The following TNRC6A variants were observed in gnomAD, a reference collection of about 807,000 sequenced individuals.
TNRC6A encodes trinucleotide repeat containing adaptor 6A.
A neutral mutation model predicts 221.2 loss-of-function variants in TNRC6A; 44 were observed. The ratio of observed to expected loss-of-function variants is 0.20; its 90% confidence interval spans 0.16 to 0.26. The LOEUF (loss-of-function observed/expected upper bound fraction) is 0.26. TNRC6A is among the 10% of genes least tolerant of loss of function. TNRC6A has a pLI of 1.00. For synonymous variants in TNRC6A, 847 were observed against 838.5 expected, an observed-to-expected ratio of 1.01 and a Z score of -0.18; for missense variants, 2,199 against 2,404.4, an observed-to-expected ratio of 0.91 and a Z score of 1.79.
intron 1 of TNRC6A, among the ~76,000 whole-genome samples, chr16:24,623,060 G>C (rs547247452): frequency 2.0e-5 from 3 of 152,306 alleles, no homozygotes; most frequent in Admixed American, 6.5e-5. Context: ...CAGAGGAACC[G>C]CTGTGCGTAC....
intron 2 of TNRC6A, among the ~76,000 whole-genome samples, chr16:24,687,944 C>CTTTTCTTTTG (rs2055672997): frequency 9.0e-6 from 1 of 111,364 alleles, no homozygotes; most frequent in Non-Finnish European, 1.7e-5. Flanking sequence ...CTTTTCTTTT[C>CTTTTCTTTTG]TTTTCTTTTC....
chr16:24,777,405 C>T (rs1463795049), intron 5 of TNRC6A, 47 bp downstream of exon 5: 1 of 1,545,010 alleles, frequency 6.5e-7, no homozygotes, highest in Non-Finnish European at 8.8e-7. Context: ...TCATCATTAG[C>T]TGTATAGCAA....
chr16:24,788,075 G>A (rs2058013037), intron 5 of TNRC6A, among the ~76,000 whole-genome samples: 1 of 152,218 alleles, frequency 6.6e-6, no homozygotes, highest in African/African-American at 2.4e-5. Context: ...TAGACCAAGT[G>A]AGAGTTAAGA....
intron 2 of TNRC6A, among the ~76,000 whole-genome samples, chr16:24,706,644 A>G (rs1037540301): frequency 2.0e-5 from 3 of 149,020 alleles, no homozygotes; most frequent in Admixed American, 6.8e-5. Flanking sequence ...GTGAGCCCAG[A>G]TCGCGCTACT....
chr16:24,808,760 C>T (rs1190138387), intron 17 of TNRC6A, among the ~76,000 whole-genome samples: 1 of 152,200 alleles, frequency 6.6e-6, no homozygotes, highest in Non-Finnish European at 1.5e-5. Flanking sequence ...AAGATTCTGG[C>T]TCCCACTGGA....
intron 18 of TNRC6A, among the ~76,000 whole-genome samples, chr16:24,810,905 C>CA (rs1377031945): frequency 6.6e-6 from 1 of 152,192 alleles, no homozygotes; most frequent in Non-Finnish European, 1.5e-5. Flanking sequence ...CTTGGTAACT[C>CA]ACTTAACTCA....
chr16:24,787,698 A>G (rs923004085), intron 5 of TNRC6A, among the ~76,000 whole-genome samples: 13 of 152,194 alleles, frequency 8.5e-5, no homozygotes, highest in African/African-American at 3.1e-4. Context: ...ACTTTGAAGT[A>G]TATTATTTGA....
At chr16:24,631,127 G>T (rs1901313245) in intron 1 of TNRC6A, among the ~76,000 whole-genome samples, 1 of 152,186 alleles carries the variant, frequency 6.6e-6, no homozygotes, top group Non-Finnish European at 1.5e-5. Context: ...AACACATATG[G>T]TGAATATGCA....
chr16:24,679,697 G>T (rs771946870), intron 2 of TNRC6A, among the ~76,000 whole-genome samples: 3 of 151,066 alleles, frequency 2.0e-5, no homozygotes, highest in South Asian at 2.1e-4. Flanking sequence ...GGCTGGTCTC[G>T]AACTCCTGAG....
At position 24,805,034 on chromosome 16, in the gene TNRC6A, T is replaced by A. The variant is rs747510732; in HGVS notation, c.4005T>A (p.Phe1335Leu). The change falls in exon 14 of 25, where the codon TTT becomes TTA. Residue 1335 changes from phenylalanine (F) to leucine (L), a missense_variant. Physicochemically the swap from Phe to Leu is conservative, Grantham distance 22. Transcript: ENST00000395799. The stretch of plus-strand genomic sequence containing the variant: ...TATAGAATGGCAATCCCAGTATGTT[T>A]GGTGTTGGAAACACAGCAGCACAAC... ...SVRQNGNPSM[F>L]GVGNTAAQPR... is the part of the protein sequence containing the mutation. 1.2e-6 allele frequency: 2 copies of A among 1,614,242 alleles called. No individual in the cohort carries two copies. Among genetic ancestry groups the A allele is most frequent in the Non-Finnish European group, 8.5e-7 (1 of 1,180,048 alleles).
intron 1 of TNRC6A, among the ~76,000 whole-genome samples, chr16:24,621,345 CTTTTTTTTT>C (rs1265818474): frequency 1.4e-5 from 1 of 73,948 alleles, no homozygotes; most frequent in African/African-American, 6.2e-5. Flanking sequence ...AGAATATGGT[CTTTTTTTTT>C]TTTTTTTTTT....
intron 1 of TNRC6A, among the ~76,000 whole-genome samples, chr16:24,614,074 G>A (rs1266683913): frequency 6.6e-6 from 1 of 152,188 alleles, no homozygotes; most frequent in Non-Finnish European, 1.5e-5. Context: ...TGGCAGGTTG[G>A]TTCAGAGTTG....
rs1290086269 is a variant in TNRC6A, at chr16:24,698,021, C to CAA, written n.403-52686_403-52685dup. Among the ~76,000 whole-genome samples, 53 of 78,532 alleles carry CAA rather than the reference C, an allele frequency of 6.7e-4. 1 individual carries two copies. Among genetic ancestry groups the CAA allele is most frequent in the East Asian group, 4.4e-3 (13 of 2,984 alleles). 51.5% of individuals were successfully genotyped at this position (78,532 alleles called of 152,430 possible). A position where few individuals can be genotyped will look rare whatever the true frequency, so the allele number is the denominator to read the frequency against. On this transcript the variant is annotated intron_variant and non_coding_transcript_variant, in intron 2 of 2. Transcript: ENST00000566108. ...CTGGTGACACAGTGAGGCTCTGTCT[C>CAA]AAAAAAAAAAAAAAAAAAAATGCAG... is the stretch of plus-strand genomic sequence containing the variant.
chr16:24,771,561 T>TATGTTTTATG (rs1555502085), intron 4 of TNRC6A, among the ~76,000 whole-genome samples: 70 of 99,130 alleles, frequency 7.1e-4, no homozygotes, highest in Non-Finnish European at 1.1e-3. Context: ...TATGTTATGT[T>TATGTTTTATG]TTATGTTATG....
chr16:24,790,481 C>T lies in TNRC6A; in HGVS notation c.1839C>T (p.Pro613=). Reference sequence around the variant, plus strand: ...CACAAAACACTGGCACTAATTTACCCAGCGTTGAGTGGAACAAACTGCCTA... The same window carrying T: ...CACAAAACACTGGCACTAATTTACCTAGCGTTGAGTGGAACAAACTGCCTA... ...TPAQNTGTNL[P]SVEWNKLPSN... is the part of the protein sequence containing the mutation. The change falls in exon 6 of 25, where the codon CCC becomes CCT. Residue 613 remains proline, a synonymous_variant. Coordinates refer to ENST00000395799, the MANE Select transcript of TNRC6A (RefSeq NM_014494.4). 3 of 1,614,206 alleles carry T rather than the reference C, an allele frequency of 1.9e-6. No homozygotes were observed. Among genetic ancestry groups the T allele is most frequent in the Non-Finnish European group, 2.5e-6 (3 of 1,180,032 alleles).
intron 1 of TNRC6A, among the ~76,000 whole-genome samples, chr16:24,633,030 C>T (rs148211588): frequency 6.6e-6 from 1 of 151,294 alleles, no homozygotes; most frequent in African/African-American, 2.4e-5. Context: ...AAAAAAAATC[C>T]AGACTTCTCA....
At chr16:24,617,752 T>G (rs578210313) in intron 1 of TNRC6A, among the ~76,000 whole-genome samples, 33 of 152,280 alleles carry the variant, frequency 2.2e-4, no homozygotes, top group African/African-American at 7.5e-4. Context: ...GTGTTATCTC[T>G]CCTCTGTTCT....
intron 1 of TNRC6A, among the ~76,000 whole-genome samples, chr16:24,618,019 A>G (rs1320979723): frequency 1.3e-5 from 2 of 152,108 alleles, no homozygotes; most frequent in East Asian, 1.9e-4. Flanking sequence ...TGCCTCAGCC[A>G]TCTTAGTAGC....
At chr16:24,618,691 T>A (rs1053230825) in intron 1 of TNRC6A, among the ~76,000 whole-genome samples, 1 of 133,470 alleles carries the variant, frequency 7.5e-6, no homozygotes, top group Non-Finnish European at 1.6e-5. Context: ...CACTCTGGCA[T>A]CCCGGCTGGA....
Sources: gnomAD v4.1 joint callset for allele counts (sites outside exome capture counted in the v4.1 genomes callset) on GRCh38, gnomAD v4.1.1 for gene constraint, MANE v1.5 for transcripts, NCBI Gene and HGNC (gene_info 2026-07-23, HGNC 2026-07-21) for gene names.